Variants in CNTN4 observed in about 807,000 individuals in gnomAD.
The protein encoded by CNTN4 is contactin-4.
A neutral mutation model predicts 122.5 loss-of-function variants in CNTN4; 77 were observed. The ratio of observed to expected loss-of-function variants is 0.63; its 90% confidence interval spans 0.52 to 0.76. The LOEUF is 0.76. Ranked by LOEUF, CNTN4 falls within the 30% of genes least tolerant of loss-of-function variation. CNTN4 has a pLI of 0.00. For synonymous variants in CNTN4, 512 were observed against 447.0 expected (o/e 1.15, Z -1.83); for missense variants, 1,256 against 1,259.1 (o/e 1.00, Z 0.04).
intron 2 of CNTN4, among the ~76,000 whole-genome samples, chr3:2,152,508 C>T (rs945414743): frequency 2.6e-5 from 4 of 151,970 alleles, no homozygotes; most frequent in African/African-American, 4.8e-5. Context: ...CTTACAGGGC[C>T]GTGGTAGAGA....
chr3:2,449,814 G>GGT (rs1164128929), intron 3 of CNTN4, among the ~76,000 whole-genome samples: 2 of 152,146 alleles, frequency 1.3e-5, no homozygotes, highest in African/African-American at 4.8e-5. Context: ...GAACTTGGAG[G>GGT]ACATTATGCT....
intron 3 of CNTN4, among the ~76,000 whole-genome samples, chr3:2,378,830 G>A (rs954945573): frequency 6.6e-6 from 1 of 151,726 alleles, no homozygotes; most frequent in Non-Finnish European, 1.5e-5. Context: ...GAGAATTTGT[G>A]TTGTCATTCT....
intron 3 of CNTN4, among the ~76,000 whole-genome samples, chr3:2,340,333 A>G (rs6787100): frequency 0.35 from 52,585 of 151,850 alleles, 9,975 homozygotes; most frequent in East Asian, 0.8. Flanking sequence ...AATGCTGTTT[A>G]TTTTAATGAT....
At chr3:2,427,269 G>A (rs985545510) in intron 3 of CNTN4, among the ~76,000 whole-genome samples, 20 of 152,264 alleles carry the variant, frequency 1.3e-4, no homozygotes, top group African/African-American at 4.8e-4. Context: ...CTGGTATGTT[G>A]TGTCTTTGTT....
chr3:2,737,821 T>C (rs2089225822), intron 5 of CNTN4, among the ~76,000 whole-genome samples: 1 of 152,132 alleles, frequency 6.6e-6, no homozygotes, highest in African/African-American at 2.4e-5. Flanking sequence ...ATCTTTACAG[T>C]AAATGTGAAC....
At position 2,113,457 on chromosome 3, in the gene CNTN4, G is replaced by C. The variant is rs577493405; in HGVS notation, c.-145+12818G>C. On this transcript the variant is annotated intron_variant, in intron 2 of 24. Transcript: ENST00000418658. ...AGAAATGCAGAAATTTTTTCCTCAC[G>C]CAGATGCACTGTATCAGAATTTTCA... Among the ~76,000 whole-genome samples the C allele has an allele frequency of 3.3e-5, 5 of 152,228 alleles. No individual in the cohort carries two copies. In the South Asian group the frequency reaches 1.0e-3, roughly 32 times the overall value.
At chr3:2,417,139 T>C (rs1351015545) in intron 3 of CNTN4, among the ~76,000 whole-genome samples, 1 of 152,174 alleles carries the variant, frequency 6.6e-6, no homozygotes, top group Non-Finnish European at 1.5e-5. Flanking sequence ...CAGAAGCACA[T>C]CTGCTTTTCA....
At chr3:2,295,863 A>C (rs894359298) in intron 2 of CNTN4, among the ~76,000 whole-genome samples, 69 of 152,178 alleles carry the variant, frequency 4.5e-4, no homozygotes, top group African/African-American at 1.6e-3. Context: ...AATAAGGTGT[A>C]AGGAAGGGAT....
intron 4 of CNTN4, among the ~76,000 whole-genome samples, chr3:2,659,753 G>A (rs528600384): frequency 6.6e-6 from 1 of 152,150 alleles, no homozygotes; most frequent in Non-Finnish European, 1.5e-5. Flanking sequence ...ATAATATCTG[G>A]TATATTTGAT....
chr3:2,605,023 TAG>T (rs2081198054), intron 4 of CNTN4, among the ~76,000 whole-genome samples: 1 of 152,178 alleles, frequency 6.6e-6, no homozygotes. Flanking sequence ...AACATTTATT[TAG>T]AGACAGAATC....
chr3:2,301,343 C>A (rs1335265936), intron 2 of CNTN4, among the ~76,000 whole-genome samples: 3 of 152,128 alleles, frequency 2.0e-5, no homozygotes, highest in Admixed American at 6.5e-5. Flanking sequence ...ACTATGAATA[C>A]ATTTTTATAA....
At chr3:3,043,245 A>T in intron 22 of CNTN4, 82 bp downstream of exon 22, 2 of 1,290,324 alleles carry the variant, frequency 1.5e-6, no homozygotes, top group South Asian at 1.2e-5. Flanking sequence ...CCTCCCAATG[A>T]TCATTTGCAT....
Position 2,540,198 on chromosome 3 carries a change from T to C in CNTN4, c.-88-31218T>C, listed in dbSNP as rs537864614. Among the ~76,000 whole-genome samples, 13 of 152,148 alleles carry C rather than the reference T, an allele frequency of 8.5e-5. No homozygotes were observed. The South Asian group carries it at 2.5e-3, about 29-fold the overall frequency. On this transcript the variant is annotated intron_variant, in intron 3 of 24. Transcript: ENST00000418658. ...CATAAATTACTAGCCATAGAATTTA[T>C]TTGCCTCCCTTTGGAAGTTTATTTC...
chr3:2,730,775 G>T (rs2088619230), intron 4 of CNTN4, among the ~76,000 whole-genome samples: 1 of 152,032 alleles, frequency 6.6e-6, no homozygotes, highest in Non-Finnish European at 1.5e-5. Flanking sequence ...TGAGATTCAG[G>T]CTTATTTTTC....
At chr3:2,326,682 A>G (rs1033898217) in intron 2 of CNTN4, among the ~76,000 whole-genome samples, 1 of 152,218 alleles carries the variant, frequency 6.6e-6, no homozygotes, top group African/African-American at 2.4e-5. Context: ...TTACAAGGAC[A>G]GAATAGGGAA....
At chr3:2,626,793 C>G (rs1178233224) in intron 4 of CNTN4, among the ~76,000 whole-genome samples, 3 of 152,112 alleles carry the variant, frequency 2.0e-5, no homozygotes, top group South Asian at 2.1e-4. Context: ...AGTCTGTTTT[C>G]TTAGTCAACT....
intron 9 of CNTN4, among the ~76,000 whole-genome samples, chr3:2,885,493 G>A (rs1444201964): frequency 6.6e-6 from 1 of 152,186 alleles, no homozygotes; most frequent in Admixed American, 6.5e-5. Flanking sequence ...CCAAAAGAAT[G>A]TACCTTGAGT....
intron 4 of CNTN4, among the ~76,000 whole-genome samples, chr3:2,666,451 T>G (rs1322430350): frequency 6.6e-6 from 1 of 152,202 alleles, no homozygotes; most frequent in Non-Finnish European, 1.5e-5. Flanking sequence ...TTCTAGATCA[T>G]AGTGCAATAA....
chr3:2,715,589 A>G (rs778678669), intron 4 of CNTN4, among the ~76,000 whole-genome samples: 5 of 152,252 alleles, frequency 3.3e-5, no homozygotes, highest in Non-Finnish European at 7.3e-5. Context: ...TAGAGCTGTC[A>G]TAACAAAATA....
Sources: allele counts gnomAD v4.1 joint callset (sites outside exome capture counted in the v4.1 genomes callset), GRCh38; gene constraint gnomAD v4.1.1; transcripts MANE v1.5; gene names NCBI Gene and HGNC (gene_info 2026-07-23, HGNC 2026-07-21).